Variants in ASH1L observed in about 807,000 individuals in gnomAD.
ASH1L encodes ASH1 like histone lysine methyltransferase.
In ASH1L, 23 loss-of-function variants were observed where a neutral mutation model predicts 269.0. That is an observed-to-expected ratio of 0.09 (90% CI 0.06 to 0.12). The LOEUF (loss-of-function observed/expected upper bound fraction) is 0.12. ASH1L is among the 10% of genes least tolerant of loss of function. The pLI, the probability that ASH1L is intolerant of heterozygous loss-of-function variation, is 1.00. For missense variants in ASH1L, 2,912 were observed against 3,567.8 expected (o/e 0.82, Z 4.68); for synonymous variants, 1,187 against 1,253.5 (o/e 0.95, Z 1.12).
In ASH1L at chr1:155,480,919, C is replaced by T. The variant is rs756167866; in HGVS notation, c.1951G>A (p.Gly651Arg). 1 of 1,613,574 alleles carries T rather than the reference C, an allele frequency of 6.2e-7. No homozygotes were observed. Among genetic ancestry groups the T allele is most frequent in the Non-Finnish European group, 8.5e-7 (1 of 1,179,854 alleles). The change falls in exon 3 of 28, where the codon GGA becomes AGA. Residue 651 changes from glycine to arginine, a missense_variant. Physicochemically the swap from Gly to Arg is moderately radical, Grantham distance 125. Transcript: ENST00000392403. ...TCAGAAGTCAAACTTGGCTTTTTTCCAAGGGAAGAGCTTATTCTTGGAATA... is the reference window on the plus strand; with the variant it reads ...TCAGAAGTCAAACTTGGCTTTTTTCTAAGGGAAGAGCTTATTCTTGGAATA... ...IDIPRISSSL[G>R]KKPSLTSESS...
chr1:155,482,000 C>T lies in ASH1L; in HGVS notation c.870G>A (p.Lys290=). ...VGLVTKDPGK[K]PVFNAAVGLV... ...ATCCTACTGCTGCATTAAACACTGG[C>T]TTTTTCCCAGGATCTTTAGTTACCA... Residue 290 remains lysine, a synonymous_variant, in exon 3 of 28, where the codon AAG becomes AAA. Coordinates refer to ENST00000392403, the MANE Select transcript of ASH1L (RefSeq NM_018489.3). 1 of 1,614,142 alleles carries T rather than the reference C, an allele frequency of 6.2e-7. No homozygotes were observed. The highest frequency in any genetic ancestry group is 8.5e-7 in the Non-Finnish European group (1 of 1,180,010).
At chr1:155,441,704 G>C (rs991847659) in intron 4 of ASH1L, among the ~76,000 whole-genome samples, 1 of 150,552 alleles carries the variant, frequency 6.6e-6, no homozygotes, top group African/African-American at 2.4e-5. Flanking sequence ...CTGACCTCAT[G>C]ATCTGCCCGC....
At chr1:155,558,471 CA>C (rs146196240) in intron 1 of ASH1L, among the ~76,000 whole-genome samples, 5 of 145,382 alleles carry the variant, frequency 3.4e-5, no homozygotes, top group African/African-American at 2.5e-5. Context: ...AACTCTCTCT[CA>C]AAAAAAAAAA....
Position 155,390,201 on chromosome 1 carries a change from T to C in ASH1L, c.6103+5258A>G, listed in dbSNP as rs71628662. Among the ~76,000 whole-genome samples the C allele has an allele frequency of 9.4e-3, 1,316 of 140,270 alleles. 21 individuals carry two copies. Among genetic ancestry groups the C allele is most frequent in the Non-Finnish European group, 0.011 (691 of 63,488 alleles). The allele number at this position is 140,270 out of a possible 152,430, so 92.0% of individuals were successfully genotyped here. A position where few individuals can be genotyped will look rare whatever the true frequency, so the allele number is the denominator to read the frequency against. On this transcript the variant is annotated intron_variant, in intron 7 of 27. Coordinates refer to ENST00000392403, the MANE Select transcript of ASH1L (RefSeq NM_018489.3). ...GGTCCTAGACTCATTAAGAGACTAA[T>C]AAGGGAATGTTATAAATAATGTTAT...
At chr1:155,514,564 T>C (rs1668379189) in intron 2 of ASH1L, among the ~76,000 whole-genome samples, 1 of 151,884 alleles carries the variant, frequency 6.6e-6, no homozygotes, top group Admixed American at 6.6e-5. Flanking sequence ...TATATTTATA[T>C]TTATTTTAGA....
At chr1:155,537,020 G>A (rs1278933623) in intron 1 of ASH1L, among the ~76,000 whole-genome samples, 4 of 151,162 alleles carry the variant, frequency 2.6e-5, no homozygotes, top group Non-Finnish European at 4.4e-5. Context: ...ACTCCAGCCT[G>A]GCGACAGAGC....
intron 1 of ASH1L, 160 bp downstream of exon 1, chr1:155,561,993 T>C (rs1672008073): frequency 3.5e-6 from 2 of 571,604 alleles, no homozygotes; most frequent in Non-Finnish European, 6.1e-6. Context: ...GACTTCCCGG[T>C]AGGCTCAGGA....
At chr1:155,461,252 T>C (rs1282792350) in intron 3 of ASH1L, among the ~76,000 whole-genome samples, 2 of 152,208 alleles carry the variant, frequency 1.3e-5, no homozygotes, top group African/African-American at 2.4e-5. Context: ...CTAAGAGAAA[T>C]AGACCATGAG....
chr1:155,369,749 A>G (rs541025366), intron 12 of ASH1L, among the ~76,000 whole-genome samples: 5 of 152,128 alleles, frequency 3.3e-5, no homozygotes, highest in Non-Finnish European at 5.9e-5. Flanking sequence ...AGCACATAGT[A>G]AGAACTCAAT....
At chr1:155,511,634 T>C (rs1668166946) in intron 2 of ASH1L, among the ~76,000 whole-genome samples, 3 of 152,076 alleles carry the variant, frequency 2.0e-5, no homozygotes, top group Admixed American at 1.3e-4. Context: ...GCCTCCTGAG[T>C]CACTGGGACT....
At chr1:155,452,382 T>G (rs746775420) in intron 4 of ASH1L, among the ~76,000 whole-genome samples, 29 of 152,102 alleles carry the variant, frequency 1.9e-4, no homozygotes, top group African/African-American at 6.7e-4. Context: ...TTAAAAAAAA[T>G]TTTTGTTTTT....
chr1:155,461,717 T>C (rs767466629), intron 3 of ASH1L, among the ~76,000 whole-genome samples: 8 of 151,424 alleles, frequency 5.3e-5, no homozygotes, highest in Non-Finnish European at 7.4e-5. Flanking sequence ...CAGAAGACAA[T>C]AGTGGCCAAG....
rs879552804 is a variant in ASH1L, at chr1:155,467,372, A to T, written c.4985-7474T>A. The stretch of plus-strand genomic sequence containing the variant: ...AAACCAGGAAACCTGGCCTTACTTA[A>T]GTGTGTAATTTTACTGTAATTTCAC... On this transcript the variant is annotated intron_variant, in intron 3 of 27. Transcript: ENST00000392403. Among the ~76,000 whole-genome samples the T allele has an allele frequency of 3.8e-4, 58 of 152,320 alleles. 1 individual carries two copies. Among genetic ancestry groups the T allele is most frequent in the Admixed American group, 1.3e-3 (20 of 15,300 alleles).
At chr1:155,371,694 CTTTT>C (rs1269263101) in intron 10 of ASH1L, among the ~76,000 whole-genome samples, 1 of 137,422 alleles carries the variant, frequency 7.3e-6, no homozygotes, top group Non-Finnish European at 1.6e-5. Flanking sequence ...ACCTAATTTA[CTTTT>C]TTTTTTTTTT....
In ASH1L at chr1:155,441,455, T is replaced by C. The variant is rs1056436380; in HGVS notation, c.5087-2387A>G. Among the ~76,000 whole-genome samples, 7 of 12,728 alleles carry C rather than the reference T, an allele frequency of 5.5e-4. No homozygotes were observed. The East Asian group carries it at 0.086, about 157-fold the overall frequency. 8.4% of individuals were successfully genotyped at this position (12,728 alleles called of 152,430 possible). ...CACCAGATATTTGAATAAAGAATCC[T>C]TTTTTTTTTTTTTTTTTTTTTTTTT... On this transcript the variant is annotated intron_variant, in intron 4 of 27. Coordinates refer to ENST00000392403, the MANE Select transcript of ASH1L (RefSeq NM_018489.3).
chr1:155,374,834 G>C (rs1321858667), intron 10 of ASH1L, among the ~76,000 whole-genome samples: 2 of 150,730 alleles, frequency 1.3e-5, no homozygotes, highest in Non-Finnish European at 3.0e-5. Context: ...TTCTTTTTTT[G>C]ACACAGGGTC....
chr1:155,446,080 C>T (rs1662997889), intron 4 of ASH1L, among the ~76,000 whole-genome samples: 1 of 133,304 alleles, frequency 7.5e-6, no homozygotes, highest in Non-Finnish European at 1.6e-5. Context: ...GACGGGGTTT[C>T]ACCATGTTGG....
chr1:155,366,576 C>T (rs1406746584), intron 12 of ASH1L, among the ~76,000 whole-genome samples: 1 of 152,146 alleles, frequency 6.6e-6, no homozygotes, highest in Non-Finnish European at 1.5e-5. Context: ...TTTTTCCCAA[C>T]TTCTGACAGC....
intron 10 of ASH1L, 76 bp downstream of exon 10, chr1:155,378,205 A>T: frequency 8.8e-7 from 1 of 1,142,404 alleles, no homozygotes; most frequent in Non-Finnish European, 1.3e-6. Flanking sequence ...GAGCCTATTT[A>T]ACTGTACCCT....
Sources: gnomAD v4.1 joint callset for allele counts (sites outside exome capture counted in the v4.1 genomes callset) on GRCh38, gnomAD v4.1.1 for gene constraint, MANE v1.5 for transcripts, NCBI Gene and HGNC (gene_info 2026-07-23, HGNC 2026-07-21) for gene names.